The following KCNU1 variants were observed in gnomAD, a reference collection of about 807,000 sequenced individuals.
KCNU1 encodes the protein potassium channel subfamily U member 1.
A neutral mutation model predicts 126.8 loss-of-function variants in KCNU1; 93 were observed. That is an observed-to-expected ratio of 0.73 (90% CI 0.62 to 0.87). KCNU1 has a LOEUF of 0.87. KCNU1 is among the 40% of genes least tolerant of loss of function. KCNU1 has a pLI of 0.00. For missense variants in KCNU1, 1,330 were observed against 1,367.1 expected, an observed-to-expected ratio of 0.97 and a Z score of 0.43; for synonymous variants, 523 against 494.2, an observed-to-expected ratio of 1.06 and a Z score of -0.77.
rs770991773 is a variant in KCNU1 at position 36,784,382 on chromosome 8, T to C, written c.-29T>C. On this transcript the variant is annotated 5_prime_UTR_variant, in exon 1 of 27. Transcript: ENST00000399881. Reference sequence around the variant, plus strand: ...GCGACCACGGCGTCATCAAATGACCTGGCAATTCCGTCTACTGATGTCTCG... The same window carrying C: ...GCGACCACGGCGTCATCAAATGACCCGGCAATTCCGTCTACTGATGTCTCG... 5 of 1,575,876 alleles carry C rather than the reference T, an allele frequency of 3.2e-6. No homozygotes were observed. In the African/African-American group the frequency reaches 4.1e-5, roughly 13 times the overall value.
intron 10 of KCNU1, among the ~76,000 whole-genome samples, chr8:36,818,301 A>C (rs913703693): frequency 2.0e-5 from 3 of 152,158 alleles, no homozygotes; most frequent in Non-Finnish European, 4.4e-5. Flanking sequence ...TCAATTTGGT[A>C]AGATTGACTA....
At chr8:36,789,258 C>T (rs984612205) in intron 2 of KCNU1, among the ~76,000 whole-genome samples, 6 of 151,818 alleles carry the variant, frequency 4.0e-5, no homozygotes, top group African/African-American at 7.3e-5. Context: ...CAGGAGGCTG[C>T]GATAGGAGGA....
intron 10 of KCNU1, among the ~76,000 whole-genome samples, chr8:36,828,805 A>T (rs1367372597): frequency 6.6e-6 from 1 of 152,100 alleles, no homozygotes; most frequent in Non-Finnish European, 1.5e-5. Context: ...AGTGTCAAGA[A>T]TGTGAATGTT....
At chr8:36,826,153 T>C (rs903243208) in intron 10 of KCNU1, among the ~76,000 whole-genome samples, 16 of 151,714 alleles carry the variant, frequency 1.1e-4, no homozygotes, top group African/African-American at 3.9e-4. Context: ...CTAGCCTTTT[T>C]CTTTTTTATT....
intron 19 of KCNU1, among the ~76,000 whole-genome samples, chr8:36,870,719 C>T (rs1806070658): frequency 6.6e-6 from 1 of 152,184 alleles, no homozygotes; most frequent in African/African-American, 2.4e-5. Flanking sequence ...TCCAGACAAG[C>T]ATAGGCTTTC....
intron 5 of KCNU1, among the ~76,000 whole-genome samples, 152 bp from the exon 6 acceptor site, chr8:36,807,223 C>G (rs895574749): frequency 2.0e-5 from 3 of 152,180 alleles, no homozygotes; most frequent in African/African-American, 7.2e-5. Context: ...ATTTGAACTA[C>G]AGCTTATGCT....
intron 2 of KCNU1, among the ~76,000 whole-genome samples, chr8:36,796,312 C>A (rs1167165247): frequency 6.6e-6 from 1 of 152,072 alleles, no homozygotes; most frequent in African/African-American, 2.4e-5. Flanking sequence ...TTCTTTGTTG[C>A]CTAGTACATG....
chr8:36,933,924 T>C (rs547833955), intron 26 of KCNU1, among the ~76,000 whole-genome samples: 5 of 151,988 alleles, frequency 3.3e-5, no homozygotes, highest in Non-Finnish European at 1.5e-5. Context: ...TATCAGGAGT[T>C]GAGAAAGGAG....
At position 36,787,364 on chromosome 8, in the gene KCNU1, G is replaced by A; in HGVS notation, c.254G>A (p.Gly85Glu). The A allele has an allele frequency of 6.2e-7, 1 of 1,612,630 alleles. No homozygotes were observed. Among genetic ancestry groups the A allele is most frequent in the Non-Finnish European group, 8.5e-7 (1 of 1,179,132 alleles). Residue 85 changes from glycine (G) to glutamate (E), a missense_variant, in exon 2 of 27, where the codon GGA (glycine) becomes GAA (glutamate). By Grantham distance (98) the Gly-to-Glu change is moderately conservative. This residue lies in a region of KCNU1 where 247 missense variants were observed against 255.4 expected (regional missense o/e 0.97). Coordinates refer to ENST00000399881, the MANE Select transcript of KCNU1 (RefSeq NM_001031836.3). The part of the protein sequence containing the change: ...RSHVRSLHFQ[G>E]QFRDHIEMLL... ...CATGTAAGAAGCCTCCACTTCCAGG[G>A]ACAATTTCGTGATCATATAGAAATG...
intron 3 of KCNU1, 139 bp from the exon 4 acceptor site, chr8:36,805,056 T>C: frequency 1.7e-6 from 1 of 587,630 alleles, no homozygotes; most frequent in South Asian, 2.3e-5. Context: ...AAAAGTTAAT[T>C]TCCTTGAGAT....
At position 36,787,366 on chromosome 8, in the gene KCNU1, C is replaced by A; in HGVS notation, c.256C>A (p.Gln86Lys). The change falls in exon 2 of 27, where the codon CAA (glutamine) becomes AAA (lysine). Residue 86 changes from glutamine (Q) to lysine (K), a missense_variant. Coordinates refer to ENST00000399881, the MANE Select transcript of KCNU1 (RefSeq NM_001031836.3). ...SHVRSLHFQG[Q>K]FRDHIEMLLS... ...TGTAAGAAGCCTCCACTTCCAGGGACAATTTCGTGATCATATAGAAATGTT... is the reference window on the plus strand; with the variant it reads ...TGTAAGAAGCCTCCACTTCCAGGGAAAATTTCGTGATCATATAGAAATGTT... 1.2e-6 allele frequency: 2 copies of A among 1,612,594 alleles called. No homozygotes were observed. Among genetic ancestry groups the A allele is most frequent in the East Asian group, 4.5e-5 (2 of 44,832 alleles).
At chr8:36,934,525 G>A (rs10503996) in intron 26 of KCNU1, among the ~76,000 whole-genome samples, 86,687 of 151,748 alleles carry the variant, frequency 0.57, 24,805 homozygotes, top group Middle Eastern at 0.62. Context: ...ATGATAACTG[G>A]GAAAATATAC....
chr8:36,932,955 A>C lies in KCNU1; in HGVS notation c.2967A>C (p.Ser989=). ...RNTFGQLFCG[S]LDLFGILCVG... is the part of the protein sequence containing the mutation. ...CCTTTGGACAACTGTTCTGTGGCTC[A>C]TTAGATCTTTTTGGAATCCTGTGTG... Residue 989 remains serine, a synonymous_variant, in exon 26 of 27, where the codon TCA becomes TCC. Coordinates refer to ENST00000399881, the MANE Select transcript of KCNU1 (RefSeq NM_001031836.3). The C allele has an allele frequency of 6.3e-7, 1 of 1,576,582 alleles. No individual in the cohort carries two copies. The highest frequency in any genetic ancestry group is 8.6e-7 in the Non-Finnish European group (1 of 1,159,316).
At chr8:36,817,309 G>A (rs1803951006) in intron 9 of KCNU1, among the ~76,000 whole-genome samples, 1 of 151,964 alleles carries the variant, frequency 6.6e-6, no homozygotes, top group Non-Finnish European at 1.5e-5. Flanking sequence ...AGACCAGCCT[G>A]ACCAACATGG....
chr8:36,875,590 A>G (rs940768059), intron 19 of KCNU1, among the ~76,000 whole-genome samples: 1 of 151,934 alleles, frequency 6.6e-6, no homozygotes, highest in Admixed American at 6.6e-5. Context: ...AATTGAGAGC[A>G]ATGCAAATGA....
chr8:36,801,105 G>A (rs1032849059), intron 2 of KCNU1, among the ~76,000 whole-genome samples: 1 of 152,158 alleles, frequency 6.6e-6, no homozygotes, highest in South Asian at 2.1e-4. Context: ...TGTCAACAAG[G>A]GTTGCGCAAT....
At chr8:36,926,257 C>G (rs1311750211) in intron 24 of KCNU1, among the ~76,000 whole-genome samples, 2 of 152,138 alleles carry the variant, frequency 1.3e-5, no homozygotes, top group Admixed American at 1.3e-4. Context: ...GTATGTGATC[C>G]TAGAGTCATT....
chr8:36,870,107 T>C (rs1373972926), intron 19 of KCNU1, among the ~76,000 whole-genome samples: 2 of 152,192 alleles, frequency 1.3e-5, no homozygotes, highest in Non-Finnish European at 2.9e-5. Context: ...AGCTCCTTCC[T>C]TGGCTATTTT....
At chr8:36,912,602 TTGTGTG>T (rs138894397) in intron 22 of KCNU1, among the ~76,000 whole-genome samples, 2 of 148,838 alleles carry the variant, frequency 1.3e-5, no homozygotes, top group Admixed American at 1.3e-4. Context: ...CACTCATCAT[TTGTGTG>T]TGTGTGTGTG....
Sources: gnomAD v4.1 joint callset for allele counts (sites outside exome capture counted in the v4.1 genomes callset) on GRCh38, gnomAD v4.1.1 for gene constraint, gnomAD v4.1.1 regional missense constraint, MANE v1.5 for transcripts, NCBI Gene and HGNC (gene_info 2026-07-23, HGNC 2026-07-21) for gene names.